Variants in GABBR2 observed in about 807,000 individuals in gnomAD.
GABBR2 encodes gamma-aminobutyric acid type B receptor subunit 2.
A neutral mutation model predicts 105.6 loss-of-function variants in GABBR2; 23 were observed. The observed-to-expected ratio is 0.22, with a 90% CI of 0.16 to 0.31. GABBR2 has a LOEUF of 0.31. Among genes scored for constraint, GABBR2 ranks in the 10% least tolerant of loss-of-function variants. The pLI is 1.00. For synonymous variants in GABBR2, 478 were observed against 499.7 expected, an observed-to-expected ratio of 0.96 and a Z score of 0.58; for missense variants, 734 against 1,245.5, an observed-to-expected ratio of 0.59 and a Z score of 6.18.
intron 4 of GABBR2, among the ~76,000 whole-genome samples, chr9:98,494,902 G>C (rs1827247015): frequency 1.3e-5 from 2 of 152,236 alleles, no homozygotes; most frequent in African/African-American, 4.8e-5. Context: ...TAGATGCTGG[G>C]CCTCTGGAGC....
chr9:98,440,788 C>A (rs1455063294), intron 7 of GABBR2, among the ~76,000 whole-genome samples: 2 of 152,224 alleles, frequency 1.3e-5, no homozygotes, highest in African/African-American at 4.8e-5. Flanking sequence ...TGAGCACACA[C>A]AGGCGGAGCC....
intron 13 of GABBR2, among the ~76,000 whole-genome samples, chr9:98,327,770 A>G (rs143010272): frequency 0.035 from 5,266 of 151,712 alleles, 120 homozygotes; most frequent in Non-Finnish European, 0.04. Flanking sequence ...TCGGGAGGCT[A>G]AGGCACAAGA....
chr9:98,586,303 G>A (rs796607073), intron 1 of GABBR2, among the ~76,000 whole-genome samples: 2 of 69,430 alleles, frequency 2.9e-5, no homozygotes, highest in Non-Finnish European at 6.3e-5. Flanking sequence ...TTTTTTTTTT[G>A]TTTGTTTGTT....
Position 98,653,143 on chromosome 9 carries a change from T to C in GABBR2, c.321+55274A>G, listed in dbSNP as rs1830132972. On this transcript the variant is annotated intron_variant, in intron 1 of 18. Transcript: ENST00000259455. ...TCCTGAGTAGCTAGGATTACAGGCA[T>C]ATGCCCAAGCCCAGCTAAGTTATTA... is the stretch of plus-strand genomic sequence containing the variant. Among the ~76,000 whole-genome samples the C allele has an allele frequency of 2.0e-5, 3 of 152,344 alleles. No homozygotes were observed. The South Asian group carries it at 6.2e-4, about 32-fold the overall frequency.
Position 98,567,699 on chromosome 9 carries a change from G to T in GABBR2, c.459+10236C>A, listed in dbSNP as rs1362121041. Among the ~76,000 whole-genome samples the T allele has an allele frequency of 4.6e-5, 7 of 152,182 alleles. No individual in the cohort carries two copies. The East Asian group carries it at 1.3e-3, about 29-fold the overall frequency. On this transcript the variant is annotated intron_variant, in intron 2 of 18. Transcript: ENST00000259455. ...CTAATGCTCTCAATAGCCCCAGAAG[G>T]GTGGACGGGATTACCTCCTTGATAC...
chr9:98,505,047 G>A (rs1336488291), intron 3 of GABBR2, among the ~76,000 whole-genome samples: 1 of 152,256 alleles, frequency 6.6e-6, no homozygotes, highest in African/African-American at 2.4e-5. Flanking sequence ...CAACAGGTAA[G>A]ATGGTTCAGG....
intron 13 of GABBR2, among the ~76,000 whole-genome samples, chr9:98,322,162 G>A (rs908448491): frequency 6.6e-6 from 1 of 151,836 alleles, no homozygotes; most frequent in African/African-American, 2.4e-5. Context: ...CCCAGAGGGG[G>A]CACCAGGGGC....
intron 3 of GABBR2, among the ~76,000 whole-genome samples, chr9:98,522,270 A>T (rs2779576): frequency 0.046 from 6,981 of 152,212 alleles, 245 homozygotes; most frequent in South Asian, 0.12. Flanking sequence ...ACAAAGGCTC[A>T]CTCATGAATT....
chr9:98,376,638 C>T (rs746288131), intron 11 of GABBR2, among the ~76,000 whole-genome samples: 10 of 152,096 alleles, frequency 6.6e-5, no homozygotes, highest in Non-Finnish European at 7.4e-5. Flanking sequence ...AGGGCAAGGG[C>T]GACAGATAAA....
chr9:98,385,640 G>A lies in GABBR2; in HGVS notation c.1662C>T (p.Thr554=), dbSNP rs144905072. The change falls in exon 11 of 19, where the codon ACC becomes ACT. Residue 554 remains threonine (T), a splice_region_variant and synonymous_variant. Transcript: ENST00000259455. ...CACTGGCTTATGCAGAATGACTTAC[G>A]GTGCAAAGTGTTTCAAAGGTCTTTT... ...VSEKTFETLC[T]VRTWILTVGY... is the part of the protein sequence containing the mutation. The A allele has an allele frequency of 7.0e-5, 113 of 1,612,866 alleles. 1 individual carries two copies. The African/African-American group carries it at 8.5e-4, about 12-fold the overall frequency.
At chr9:98,402,043 A>T (rs1338440363) in intron 8 of GABBR2, among the ~76,000 whole-genome samples, 1 of 152,220 alleles carries the variant, frequency 6.6e-6, no homozygotes, top group Admixed American at 6.5e-5. Context: ...CGTTAGAGTG[A>T]AGGAAGACCC....
intron 9 of GABBR2, among the ~76,000 whole-genome samples, chr9:98,393,884 GAAGA>G (rs1832239066): frequency 6.6e-6 from 1 of 152,218 alleles, no homozygotes; most frequent in African/African-American, 2.4e-5. Flanking sequence ...TGCCAGAGGA[GAAGA>G]TAGACCTAAA....
At chr9:98,324,493 G>GACACACACACAC (rs3983548) in intron 13 of GABBR2, among the ~76,000 whole-genome samples, 57 of 143,372 alleles carry the variant, frequency 4.0e-4, no homozygotes, top group Middle Eastern at 7.2e-3. Flanking sequence ...CTACAGAGCC[G>GACACACACACAC]ACACACACAC....
At chr9:98,360,449 A>G (rs1831562721) in intron 13 of GABBR2, among the ~76,000 whole-genome samples, 2 of 152,296 alleles carry the variant, frequency 1.3e-5, no homozygotes, top group Admixed American at 1.3e-4. Context: ...ATCTCAGCAC[A>G]CCCTGCAGGG....
intron 6 of GABBR2, among the ~76,000 whole-genome samples, chr9:98,456,524 A>G (rs1237142954): frequency 6.6e-6 from 1 of 152,156 alleles, no homozygotes; most frequent in Non-Finnish European, 1.5e-5. Flanking sequence ...ATTAAGCTCC[A>G]TGAGGTCGGA....
intron 3 of GABBR2, among the ~76,000 whole-genome samples, chr9:98,514,512 AT>A: frequency 6.6e-6 from 1 of 151,022 alleles, no homozygotes; most frequent in East Asian, 2.0e-4. Flanking sequence ...ACATGGATGA[AT>A]CTGGAAACCA....
At chr9:98,446,226 C>A (rs1826126063) in intron 7 of GABBR2, among the ~76,000 whole-genome samples, 1 of 151,890 alleles carries the variant, frequency 6.6e-6, no homozygotes, top group Non-Finnish European at 1.5e-5. Flanking sequence ...ATTAGACCCA[C>A]ACAAACTCTG....
intron 7 of GABBR2, among the ~76,000 whole-genome samples, chr9:98,447,064 T>TATGAGTAAATGATGATATCAAA (rs1564072390): frequency 6.6e-5 from 4 of 60,634 alleles, no homozygotes; most frequent in South Asian, 1.2e-3. Flanking sequence ...AAAAGACTTC[T>TATGAGTAAATGATGATATCAAA]TTTTTTTTTT....
chr9:98,377,414 GCTCA>G (rs777779267), intron 11 of GABBR2, among the ~76,000 whole-genome samples: 1 of 152,208 alleles, frequency 6.6e-6, no homozygotes, highest in Admixed American at 6.5e-5. Context: ...AATAACTGGA[GCTCA>G]CTCAGAGGGG....
Sources: gnomAD v4.1 joint callset for allele counts (sites outside exome capture counted in the v4.1 genomes callset) on GRCh38, gnomAD v4.1.1 for gene constraint, MANE v1.5 for transcripts, NCBI Gene and HGNC (gene_info 2026-07-23, HGNC 2026-07-21) for gene names.